CSF2RA: variants seen among roughly 807,000 people sequenced by gnomAD.
CSF2RA encodes the protein granulocyte-macrophage colony-stimulating factor receptor subunit alpha.
In CSF2RA, 42 loss-of-function variants were observed where a neutral mutation model predicts 51.6. The ratio of observed to expected loss-of-function variants is 0.81; its 90% CI spans 0.64 to 1.05. CSF2RA has a LOEUF of 1.05. Ranked by LOEUF, CSF2RA falls within the 50% of genes least tolerant of loss-of-function variation. The pLI, the probability that CSF2RA is intolerant of heterozygous loss-of-function variation, is 0.00. For synonymous variants in CSF2RA, 222 were observed against 193.0 expected, an observed-to-expected ratio of 1.15 and a Z score of -1.24; for missense variants, 530 against 501.1, an observed-to-expected ratio of 1.06 and a Z score of -0.55.
chrX:1,324,556 A>G, the CSF2RA span, among the ~76,000 whole-genome samples: 10 of 150,144 alleles, frequency 6.7e-5, no homozygotes, highest in East Asian at 2.0e-4. Context: ...GAAAGAAAGG[A>G]AAGAAAAGAA....
intron 4 of CSF2RA, among the ~76,000 whole-genome samples, chrX:1,286,624 CACA>C (rs1233059375): frequency 6.6e-6 from 1 of 151,798 alleles, no homozygotes; most frequent in Non-Finnish European, 1.5e-5. Context: ...GGGCCACAGA[CACA>C]AACAACACAA....
intron 3 of CSF2RA, among the ~76,000 whole-genome samples, chrX:1,283,325 TTC>T (rs757687735): frequency 4.2e-4 from 61 of 146,946 alleles, no homozygotes; most frequent in African/African-American, 1.2e-3. Context: ...CTCCTTCCCT[TTC>T]TCTCTTTCTT....
At chrX:1,280,990 T>TCC (rs2089918605) in intron 2 of CSF2RA, among the ~76,000 whole-genome samples, 1 of 127,188 alleles carries the variant, frequency 7.9e-6, no homozygotes, top group Non-Finnish European at 1.7e-5. Context: ...CTCCTCCTCC[T>TCC]CCTTCTCCTC....
In CSF2RA at chrX:1,287,016, CGATA is replaced by C. The variant is rs1310852705; in HGVS notation, c.219+1102_219+1105del. Among the ~76,000 whole-genome samples, 29 of 151,276 alleles carry C rather than the reference CGATA, an allele frequency of 1.9e-4. 1 individual carries two copies. The highest frequency in any genetic ancestry group is 1.9e-3 in the South Asian group (9 of 4,778). ...AGAGGAAGAGAGAAATATGGATGAT[CGATA>C]GATAGGTGATAGATGATTTATTGAC... On this transcript the variant is annotated intron_variant, in intron 4 of 12. Transcript: ENST00000381529.
At chrX:1,270,356 C>G (rs1489804769) in intron 1 of CSF2RA, among the ~76,000 whole-genome samples, 2 of 151,994 alleles carry the variant, frequency 1.3e-5, no homozygotes, top group African/African-American at 4.8e-5. Context: ...CCTCCCATCT[C>G]GGCCTCCCGA....
At chrX:1,304,743 C>T (rs1343087560) in intron 11 of CSF2RA, among the ~76,000 whole-genome samples, 2 of 151,970 alleles carry the variant, frequency 1.3e-5, no homozygotes, top group Admixed American at 1.3e-4. Context: ...CGGCTCACTG[C>T]AACCTCCACC....
chrX:1,270,479 T>C (rs1382791867), intron 1 of CSF2RA, among the ~76,000 whole-genome samples: 1 of 151,996 alleles, frequency 6.6e-6, no homozygotes, highest in Non-Finnish European at 1.5e-5. Context: ...ACTCAATCTA[T>C]CTTCCTGCCC....
chrX:1,305,315 G>T, intron 11 of CSF2RA, 131 bp from the exon 12 acceptor site: 1 of 1,041,582 alleles, frequency 9.6e-7, no homozygotes, highest in South Asian at 1.3e-5. Flanking sequence ...GTCACTTGGT[G>T]ATTCTTAGTG....
Position 1,305,471 on chromosome X carries a change from C to T in CSF2RA, c.1069C>T (p.Pro357Ser). 1 of 1,613,934 alleles carries T rather than the reference C, an allele frequency of 6.2e-7. No homozygotes were observed. The highest frequency in any genetic ancestry group is 8.5e-7 in the Non-Finnish European group (1 of 1,179,862). Residue 357 changes from proline (P) to serine (S), a missense_variant, in exon 12 of 13, where the codon CCG (proline) becomes TCG (serine). Transcript: ENST00000381529. The part of the protein sequence containing the change: ...KRFLRIQRLF[P>S]PVPQIKDKLN... ...GTTCCTTAGGATACAGCGGCTGTTC[C>T]CGCCAGTTCCACAGATCAAAGACAA...
downstream of CSF2RA, among the ~76,000 whole-genome samples, chrX:1,314,912 TTCACCTGCCCAACC>T (rs2084482287): frequency 1.1e-5 from 1 of 91,746 alleles, no homozygotes. Flanking sequence ...TCAACCCCAC[TTCACCTGCCCAACC>T]GCACTGCACT....
chrX:1,304,995 T>C (rs1330015202), intron 11 of CSF2RA, among the ~76,000 whole-genome samples: 1 of 143,514 alleles, frequency 7.0e-6, no homozygotes, highest in African/African-American at 2.6e-5. Flanking sequence ...CATTTGGTGA[T>C]TTTTTTTTGT....
At chrX:1,304,688 G>C (rs1293004008) in intron 11 of CSF2RA, among the ~76,000 whole-genome samples, 2 of 151,782 alleles carry the variant, frequency 1.3e-5, no homozygotes, top group East Asian at 3.9e-4. Flanking sequence ...TTTTGAGACA[G>C]ACTTTTGCTC....
At chrX:1,311,314 C>G (rs755330328), downstream of CSF2RA, among the ~76,000 whole-genome samples, 5 of 152,076 alleles carry the variant, frequency 3.3e-5, no homozygotes, top group African/African-American at 1.2e-4. Flanking sequence ...GCCACCTCTC[C>G]CACCATGTAA....
downstream of CSF2RA, among the ~76,000 whole-genome samples, chrX:1,314,563 AT>A (rs2084415287): frequency 3.7e-5 from 3 of 80,768 alleles, 1 homozygote; most frequent in African/African-American, 1.5e-4. Flanking sequence ...CACCTGCCCA[AT>A]CCCACTGCAC....
chrX:1,314,467 AACCCC>A (rs1337205296), downstream of CSF2RA, among the ~76,000 whole-genome samples: 12 of 147,482 alleles, frequency 8.1e-5, no homozygotes, highest in African/African-American at 3.1e-4. Context: ...GCACCTGCCC[AACCCC>A]AATGCACCTA....
rs776015202 is a variant in CSF2RA at position 1,285,764 on chromosome X, C to T, written c.77-14C>T. 3 of 1,609,590 alleles carry T rather than the reference C, an allele frequency of 1.9e-6. No individual in the cohort carries two copies. The highest frequency in any genetic ancestry group is 1.7e-5 in the Admixed American group (1 of 59,756). ...AAAAGAGGAAATTCTGAACCCAGTG[C>T]CCGCTCCTTGCAGATCTGCGAACAG... On this transcript the variant is annotated splice_polypyrimidine_tract_variant and intron_variant, in intron 3 of 12. Coordinates refer to ENST00000381529, the MANE Select transcript of CSF2RA (RefSeq NM_172245.4).
At chrX:1,280,234 A>AT (rs2089717535) in intron 2 of CSF2RA, among the ~76,000 whole-genome samples, 3 of 152,058 alleles carry the variant, frequency 2.0e-5, no homozygotes, top group Non-Finnish European at 4.4e-5. Flanking sequence ...CAGTTTGAGA[A>AT]GCTGAGGCAG....
At chrX:1,277,620 C>T (rs1401865589) in intron 2 of CSF2RA, among the ~76,000 whole-genome samples, 14 of 120,100 alleles carry the variant, frequency 1.2e-4, no homozygotes, top group Admixed American at 3.6e-4. Context: ...AAAAAAAATT[C>T]GGGGTGAGTC....
chrX:1,304,118 C>T, intron 11 of CSF2RA, 99 bp downstream of exon 11: 1 of 1,129,462 alleles, frequency 8.9e-7, no homozygotes. Context: ...GAAAGAGAAA[C>T]ACAGCCTTGG....
Sources: allele counts gnomAD v4.1 joint callset (sites outside exome capture counted in the v4.1 genomes callset), GRCh38; gene constraint gnomAD v4.1.1; transcripts MANE v1.5; gene names NCBI Gene and HGNC (gene_info 2026-07-23, HGNC 2026-07-21).